Variants in RBBP6 observed in about 807,000 individuals in gnomAD.
RBBP6 encodes the protein E3 ubiquitin-protein ligase RBBP6.
Under a neutral mutation model 167.7 loss-of-function variants are expected in RBBP6, and 25 were observed. That is an observed-to-expected ratio of 0.15 (90% CI 0.11 to 0.21). The LOEUF is 0.21. Ranked by LOEUF, RBBP6 falls within the 10% of genes least tolerant of loss-of-function variation. The pLI is 1.00. For synonymous variants in RBBP6, 789 were observed against 735.8 expected, an observed-to-expected ratio of 1.07 and a Z score of -1.17; for missense variants, 1,868 against 2,134.2, an observed-to-expected ratio of 0.88 and a Z score of 2.46.
At position 24,571,510 on chromosome 16, in the gene RBBP6, T is replaced by A. The variant is rs748169955; in HGVS notation, c.4444T>A (p.Tyr1482Asn). 1 of 1,613,210 alleles carries A rather than the reference T, an allele frequency of 6.2e-7. No individual in the cohort carries two copies. The highest frequency in any genetic ancestry group is 8.5e-7 in the Non-Finnish European group (1 of 1,179,820). Residue 1482 changes from tyrosine to asparagine, a missense_variant, in exon 18 of 18, where the codon TAT (tyrosine) becomes AAT (asparagine). Physicochemically the swap from Tyr to Asn is moderately radical, Grantham distance 143. Transcript: ENST00000319715. ...DKKTDYDTREYSSSKRRDEKN... is the reference protein window; with the variant it reads ...DKKTDYDTRENSSSKRRDEKN... The stretch of plus-strand genomic sequence containing the variant: ...AAAAACTGACTATGACACCAGAGAG[T>A]ATTCAAGTTCCAAACGTAGAGATGA...
chr16:24,561,901 A>G lies in RBBP6; in HGVS notation c.1029A>G (p.Ile343Met). 7.4e-6 allele frequency: 12 copies of G among 1,613,770 alleles called. No individual in the cohort carries two copies. Among genetic ancestry groups the G allele is most frequent in the East Asian group, 2.2e-5 (1 of 44,892 alleles). The change falls in exon 10 of 18, where the codon ATA (isoleucine) becomes ATG (methionine). Residue 343 changes from isoleucine to methionine, a missense_variant. Physicochemically the swap from Ile to Met is conservative, Grantham distance 10 (BLOSUM62 1). Around this residue, in one of 7 missense-constraint regions of RBBP6, gnomAD observed 245 missense variants for 240.1 expected, o/e 1.02. Coordinates refer to ENST00000319715, the MANE Select transcript of RBBP6 (RefSeq NM_006910.5). ...RKQLPPPPPP[I>M]PPPRPLIQRN... is the part of the protein sequence containing the mutation. ...AGTTACCTCCTCCACCACCCCCAAT[A>G]CCACCTCCGAGACCACTGATTCAGA...
chr16:24,541,828 AT>A (rs907602954), intron 1 of RBBP6, among the ~76,000 whole-genome samples: 3 of 152,148 alleles, frequency 2.0e-5, no homozygotes, highest in African/African-American at 7.2e-5. Context: ...AGGTTAGGGT[AT>A]TTTTTTAGTC....
Position 24,546,267 on chromosome 16 carries a change from G to A in RBBP6, c.266+5G>A. 6.5e-7 allele frequency: 1 copy of A among 1,546,612 alleles called. No individual in the cohort carries two copies. Among genetic ancestry groups the A allele is most frequent in the Non-Finnish European group, 8.6e-7 (1 of 1,156,520 alleles). ...TACAAGCAAGACATATGTTATGTAA[G>A]TATCAAATCTCATGTATTTCTCAAA... On this transcript the variant is annotated splice_donor_5th_base_variant and intron_variant, in intron 2 of 17. Coordinates refer to ENST00000319715, the MANE Select transcript of RBBP6 (RefSeq NM_006910.5).
chr16:24,566,686 G>T (rs533408967), intron 14 of RBBP6, among the ~76,000 whole-genome samples: 3 of 152,164 alleles, frequency 2.0e-5, no homozygotes, highest in Non-Finnish European at 4.4e-5. Flanking sequence ...AGGTTGCAGT[G>T]AGCCAAGATT....
chr16:24,541,211 AAC>A (rs1234312360), intron 1 of RBBP6, among the ~76,000 whole-genome samples: 18 of 149,712 alleles, frequency 1.2e-4, no homozygotes, highest in African/African-American at 2.2e-4. Flanking sequence ...AAACCAAAAA[AAC>A]AATTTTCTAA....
rs1251764470 is a variant in RBBP6, at chr16:24,568,905, GGCAAGAGCC to G, written c.2220_2228del (p.Lys740_Arg742del). On this transcript the variant is annotated inframe_deletion, in exon 17 of 18. Coordinates refer to ENST00000319715, the MANE Select transcript of RBBP6 (RefSeq NM_006910.5). ...ACCTCCATACCCCAGAAGAGGCAGAGGCAAGAGCCGCAATTACCGTTCACGGTCTAGATC... is the reference window on the plus strand; with the variant it reads ...ACCTCCATACCCCAGAAGAGGCAGAGGCAATTACCGTTCACGGTCTAGATC... The G allele has an allele frequency of 1.2e-6, 2 of 1,614,218 alleles. No individual in the cohort carries two copies. The highest frequency in any genetic ancestry group is 3.3e-4 in the Middle Eastern group (2 of 6,062).
chr16:24,560,789 C>T (rs1477569454), intron 8 of RBBP6, among the ~76,000 whole-genome samples: 3 of 152,256 alleles, frequency 2.0e-5, no homozygotes, highest in South Asian at 2.1e-4. Flanking sequence ...TTAAAGTATA[C>T]TGGAGGATGT....
chr16:24,555,453 TAAGGAATTCCC>T (rs1898890563), intron 4 of RBBP6, 151 bp from the exon 5 acceptor site: 1 of 602,166 alleles, frequency 1.7e-6, no homozygotes, highest in South Asian at 2.1e-5. Context: ...TGTAATTACC[TAAGGAATTCCC>T]AAGTGCCTCT....
intron 2 of RBBP6, 104 bp from the exon 3 acceptor site, chr16:24,548,841 T>C (rs1301133668): frequency 1.2e-5 from 11 of 926,434 alleles, no homozygotes; most frequent in Non-Finnish European, 1.8e-5. Flanking sequence ...CAAAGGAAAA[T>C]TAGGTTCCTA....
chr16:24,547,973 T>C (rs530983420), intron 2 of RBBP6, among the ~76,000 whole-genome samples: 2 of 152,206 alleles, frequency 1.3e-5, no homozygotes, highest in African/African-American at 4.8e-5. Flanking sequence ...TTGTAATAAA[T>C]TTGCCTCATA....
At position 24,564,784 on chromosome 16, in the gene RBBP6, T is replaced by C. The variant is rs1357714977; in HGVS notation, c.1521-13T>C. 4 of 1,611,368 alleles carry C rather than the reference T, an allele frequency of 2.5e-6. No individual in the cohort carries two copies. In the South Asian group the frequency reaches 4.4e-5, roughly 18 times the overall value. ...GAGAAATACTTGAGCCTATTTTTTT[T>C]TCTCCCACACAGTTCCAACAAACTT... On this transcript the variant is annotated splice_polypyrimidine_tract_variant and intron_variant, in intron 13 of 17. Transcript: ENST00000319715.
intron 8 of RBBP6, among the ~76,000 whole-genome samples, chr16:24,559,985 CTT>C (rs1160136261): frequency 6.6e-6 from 1 of 151,802 alleles, no homozygotes. Context: ...AATTTTAAAA[CTT>C]TTTTGGGCCT....
intron 14 of RBBP6, among the ~76,000 whole-genome samples, chr16:24,566,083 G>A (rs1338900881): frequency 6.6e-6 from 1 of 152,060 alleles, no homozygotes; most frequent in Non-Finnish European, 1.5e-5. Context: ...AGGAAATTCG[G>A]GATATCTTCT....
chr16:24,555,776 T>G (rs1898898741), intron 5 of RBBP6, 45 bp from the exon 6 acceptor site: 1 of 1,586,168 alleles, frequency 6.3e-7, no homozygotes. Context: ...AAGCACTATT[T>G]TTTCAAAGTC....
rs772821759 is a variant in RBBP6, at chr16:24,569,560, C to G, written c.2870C>G (p.Ser957Cys). ...CTGAACCCAGAGTTATTAGAGACTT[C>G]TAGGAAATCAAGAGAACCTACAGGT... ...GFLNPELLETSRKSREPTGVE... is the reference protein window; with the variant it reads ...GFLNPELLETCRKSREPTGVE... The change falls in exon 17 of 18, where the codon TCT becomes TGT. Residue 957 changes from serine (S) to cysteine (C), a missense_variant. Around this residue, in one of 7 missense-constraint regions of RBBP6, gnomAD observed 673 missense variants for 691.5 expected, o/e 0.97. Coordinates refer to ENST00000319715, the MANE Select transcript of RBBP6 (RefSeq NM_006910.5). The G allele has an allele frequency of 1.2e-6, 2 of 1,612,140 alleles. No homozygotes were observed. The highest frequency in any genetic ancestry group is 2.2e-5 in the East Asian group (1 of 44,866).
At chr16:24,544,387 G>A (rs1898583392) in intron 1 of RBBP6, among the ~76,000 whole-genome samples, 1 of 152,152 alleles carries the variant, frequency 6.6e-6, no homozygotes, top group African/African-American at 2.4e-5. Flanking sequence ...TTGAATGCCT[G>A]TGAGATAGTG....
In RBBP6 at chr16:24,571,475, A is replaced by G. The variant is rs754409188; in HGVS notation, c.4409A>G (p.Asn1470Ser). The G allele has an allele frequency of 9.9e-6, 16 of 1,612,766 alleles. No individual in the cohort carries two copies. The highest frequency in any genetic ancestry group is 1.3e-5 in the Non-Finnish European group (15 of 1,179,768). The part of the protein sequence containing the change: ...RASSNKDFTP[N>S]RDKKTDYDTR... ...TCCTCAAATAAAGACTTCACTCCCAATAGAGACAAAAAAACTGACTATGAC... is the reference window on the plus strand; with the variant it reads ...TCCTCAAATAAAGACTTCACTCCCAGTAGAGACAAAAAAACTGACTATGAC... The change falls in exon 18 of 18, where the codon AAT becomes AGT. Residue 1470 changes from asparagine (N) to serine (S), a missense_variant. Around this residue, in one of 7 missense-constraint regions of RBBP6, gnomAD observed 591 missense variants for 540.5 expected, o/e 1.09. Coordinates refer to ENST00000319715, the MANE Select transcript of RBBP6 (RefSeq NM_006910.5).
intron 13 of RBBP6, 134 bp downstream of exon 13, chr16:24,563,798 G>A: frequency 1.5e-6 from 1 of 681,368 alleles, no homozygotes; most frequent in Non-Finnish European, 2.2e-6. Flanking sequence ...AAACTTTCAT[G>A]TGCCAGATTA....
At chr16:24,563,130 C>A in intron 10 of RBBP6, 69 bp from the exon 11 acceptor site, 1 of 1,296,484 alleles carries the variant, frequency 7.7e-7, no homozygotes, top group Non-Finnish European at 1.1e-6. Context: ...TAAACAGCAG[C>A]AAACTTTTTT....
Sources: gnomAD v4.1 joint callset for allele counts (sites outside exome capture counted in the v4.1 genomes callset) on GRCh38, gnomAD v4.1.1 for gene constraint, gnomAD v4.1.1 regional missense constraint, MANE v1.5 for transcripts, NCBI Gene and HGNC (gene_info 2026-07-23, HGNC 2026-07-21) for gene names.